The following SUSD4 variants were observed in gnomAD, a reference collection of about 807,000 sequenced individuals.
SUSD4 encodes the protein sushi domain-containing protein 4.
SUSD4 carries 41 observed loss-of-function variants against 50.5 expected under a neutral mutation model. The ratio of observed to expected loss-of-function variants is 0.81; its 90% CI spans 0.63 to 1.05. The LOEUF is 1.05. Among genes scored for constraint, SUSD4 ranks in the 50% least tolerant of loss-of-function variants. The pLI, the probability that SUSD4 is intolerant of heterozygous loss-of-function variation, is 0.00. For synonymous variants in SUSD4, 257 were observed against 257.3 expected (o/e 1.00, Z 0.01); for missense variants, 580 against 634.7 (o/e 0.91, Z 0.93).
At chr1:223,312,709 A>G (rs996504950) in intron 2 of SUSD4, among the ~76,000 whole-genome samples, 1 of 152,206 alleles carries the variant, frequency 6.6e-6, no homozygotes, top group Non-Finnish European at 1.5e-5. Flanking sequence ...TTTGACTGCA[A>G]TCACAGAGGT....
rs1412354199 is a variant in SUSD4, at chr1:223,220,938, T to C, written c.*1254A>G. On this transcript the variant is annotated 3_prime_UTR_variant, in exon 9 of 9. Coordinates refer to ENST00000366878, the MANE Select transcript of SUSD4 (RefSeq NM_017982.4). ...AGCAATTTTAAGGATCAGAGCTTTG[T>C]TTACATTTGTCTAAAACCAAGAGAA... 5.0e-6 allele frequency: 2 copies of C among 400,310 alleles called. No homozygotes were observed. The highest frequency in any genetic ancestry group is 8.8e-6 in the Non-Finnish European group (2 of 226,186). 24.8% of individuals were successfully genotyped at this position (400,310 alleles called of 1,614,324 possible).
chr1:223,322,751 T>C (rs1467865075), intron 2 of SUSD4, among the ~76,000 whole-genome samples: 1 of 152,234 alleles, frequency 6.6e-6, no homozygotes, highest in African/African-American at 2.4e-5. Context: ...CCAAATTATC[T>C]TGAAATTATT....
chr1:223,253,715 A>T (rs1446565957), intron 5 of SUSD4, among the ~76,000 whole-genome samples: 1 of 152,238 alleles, frequency 6.6e-6, no homozygotes, highest in African/African-American at 2.4e-5. Context: ...AATACAAGTC[A>T]TCTTACTTCC....
chr1:223,308,657 TCCC>T (rs1665692555), intron 2 of SUSD4, among the ~76,000 whole-genome samples: 1 of 152,182 alleles, frequency 6.6e-6, no homozygotes, highest in Non-Finnish European at 1.5e-5. Context: ...TGAAATAATT[TCCC>T]TCATTTTATA....
At chr1:223,343,383 T>C (rs1324689896) in intron 2 of SUSD4, among the ~76,000 whole-genome samples, 1 of 152,226 alleles carries the variant, frequency 6.6e-6, no homozygotes, top group Non-Finnish European at 1.5e-5. Flanking sequence ...TTGTGATTAT[T>C]GGATTGTTTA....
chr1:223,267,575 T>C (rs970990604), intron 4 of SUSD4, among the ~76,000 whole-genome samples: 1 of 152,182 alleles, frequency 6.6e-6, no homozygotes, highest in Non-Finnish European at 1.5e-5. Context: ...GGGAGCGTGA[T>C]GGTCCGGGCT....
In SUSD4 at chr1:223,223,378, G is replaced by C; in HGVS notation, c.1315C>G (p.Leu439Val). 6.2e-7 allele frequency: 1 copy of C among 1,613,806 alleles called. No individual in the cohort carries two copies. The highest frequency in any genetic ancestry group is 8.5e-7 in the Non-Finnish European group (1 of 1,179,868). The change falls in exon 8 of 9, where the codon CTG (leucine) becomes GTG (valine). Residue 439 changes from leucine (L) to valine (V), a missense_variant. Leu to Val is a conservative substitution (Grantham distance 32). Transcript: ENST00000366878. ...TCDSVSGSSE[L>V]LQSLYSPPRC... ...GGAGGTGAATACAGACTTTGGAGCAGCTCAGAAGAGCCTGAGACGCTGTCA... is the reference window on the plus strand; with the variant it reads ...GGAGGTGAATACAGACTTTGGAGCACCTCAGAAGAGCCTGAGACGCTGTCA...
At chr1:223,322,983 A>G (rs1666667605) in intron 2 of SUSD4, among the ~76,000 whole-genome samples, 2 of 152,344 alleles carry the variant, frequency 1.3e-5, no homozygotes, top group African/African-American at 4.8e-5. Context: ...AAAGCAGGAT[A>G]TGATGGAGAA....
At chr1:223,305,264 G>A (rs1455949426) in intron 2 of SUSD4, among the ~76,000 whole-genome samples, 1 of 152,042 alleles carries the variant, frequency 6.6e-6, no homozygotes, top group Non-Finnish European at 1.5e-5. Flanking sequence ...CTCTCCACTG[G>A]TCTCTTTGGG....
intron 2 of SUSD4, among the ~76,000 whole-genome samples, chr1:223,351,755 G>C (rs1668379877): frequency 6.6e-6 from 1 of 152,072 alleles, no homozygotes; most frequent in South Asian, 2.1e-4. Flanking sequence ...TCATTCATGT[G>C]AACGTGTGGC....
rs186192697 is a variant in SUSD4 at position 223,220,941 on chromosome 1, A to C, written c.*1251T>G. 182 of 400,502 alleles carry C rather than the reference A, an allele frequency of 4.5e-4. No individual in the cohort carries two copies. Among genetic ancestry groups the C allele is most frequent in the African/African-American group, 3.5e-3 (169 of 48,842 alleles). 24.8% of individuals were successfully genotyped at this position (400,502 alleles called of 1,614,324 possible). A position where few individuals can be genotyped will look rare whatever the true frequency, so the allele number is the denominator to read the frequency against. On this transcript the variant is annotated 3_prime_UTR_variant, in exon 9 of 9. Transcript: ENST00000366878. ...AATTTTAAGGATCAGAGCTTTGTTT[A>C]CATTTGTCTAAAACCAAGAGAAGGA... is the stretch of plus-strand genomic sequence containing the variant.
chr1:223,237,241 G>GT (rs1303836868), intron 5 of SUSD4, among the ~76,000 whole-genome samples: 5 of 151,908 alleles, frequency 3.3e-5, no homozygotes, highest in African/African-American at 9.7e-5. Flanking sequence ...TTCTAGGAGG[G>GT]TTTTTTGGTC....
At chr1:223,356,975 T>C (rs181631430) in intron 2 of SUSD4, among the ~76,000 whole-genome samples, 72 of 152,266 alleles carry the variant, frequency 4.7e-4, no homozygotes, top group Admixed American at 7.8e-4. Flanking sequence ...TTAGGAAGGC[T>C]CTAAGGGAGC....
chr1:223,310,717 T>C (rs922727477), intron 2 of SUSD4, among the ~76,000 whole-genome samples: 3 of 152,228 alleles, frequency 2.0e-5, no homozygotes, highest in South Asian at 4.1e-4. Context: ...ACAATGAACA[T>C]TCATAATCAA....
intron 5 of SUSD4, among the ~76,000 whole-genome samples, chr1:223,238,199 T>C (rs976497514): frequency 6.6e-6 from 1 of 152,014 alleles, no homozygotes; most frequent in Non-Finnish European, 1.5e-5. Flanking sequence ...ATGTCCACTC[T>C]TTCATTTCTG....
intron 2 of SUSD4, among the ~76,000 whole-genome samples, chr1:223,349,250 A>T (rs768449022): frequency 6.6e-6 from 1 of 152,196 alleles, no homozygotes; most frequent in Non-Finnish European, 1.5e-5. Context: ...ATTCAAAATG[A>T]CTTAAAAATA....
At chr1:223,302,186 A>G (rs768716672) in intron 2 of SUSD4, among the ~76,000 whole-genome samples, 11 of 152,066 alleles carry the variant, frequency 7.2e-5, no homozygotes, top group Non-Finnish European at 1.6e-4. Flanking sequence ...ACCTTCCACC[A>G]TGATTGTAAG....
chr1:223,329,877 G>A (rs546473419), intron 2 of SUSD4, among the ~76,000 whole-genome samples: 1 of 152,260 alleles, frequency 6.6e-6, no homozygotes, highest in Admixed American at 6.5e-5. Context: ...TGGATGGATG[G>A]ATGGCTGAAT....
intron 2 of SUSD4, among the ~76,000 whole-genome samples, chr1:223,343,684 C>T (rs1232624072): frequency 1.3e-5 from 2 of 152,106 alleles, no homozygotes; most frequent in South Asian, 2.1e-4. Context: ...ATTTTGTTAA[C>T]GTTGCTCATC....
Sources: allele counts gnomAD v4.1 joint callset (sites outside exome capture counted in the v4.1 genomes callset), GRCh38; gene constraint gnomAD v4.1.1; transcripts MANE v1.5; gene names NCBI Gene and HGNC (gene_info 2026-07-23, HGNC 2026-07-21).